PAK2: variants seen among roughly 807,000 people sequenced by gnomAD.
PAK2 encodes serine/threonine-protein kinase PAK 2.
In PAK2, 21 loss-of-function variants were observed where a neutral mutation model predicts 65.9. The observed-to-expected ratio is 0.32, with a 90% CI of 0.23 to 0.46. The LOEUF (loss-of-function observed/expected upper bound fraction) is 0.46, where lower values mean the gene tolerates loss of function less well. Among genes scored for constraint, PAK2 ranks in the 20% least tolerant of loss-of-function variants. The pLI is 1.00. For synonymous variants in PAK2, 204 were observed against 219.7 expected, an observed-to-expected ratio of 0.93 and a Z score of 0.63; for missense variants, 324 against 642.6, an observed-to-expected ratio of 0.50 and a Z score of 5.36.
Position 196,787,407 on chromosome 3 carries a change from C to G in PAK2, c.187+4574C>G, listed in dbSNP as rs1337116335. 4.0e-5 allele frequency among the ~76,000 whole-genome samples: 6 copies of G among 151,774 alleles called. No homozygotes were observed. The East Asian group carries it at 9.8e-4, about 25-fold the overall frequency. On this transcript the variant is annotated intron_variant, in intron 2 of 14. Transcript: ENST00000327134. Reference sequence around the variant, plus strand: ...CATCCTGGCTAACAAGGTGAAACGCCATCTCTACTAAAAATACAAAAATTA... The same window carrying G: ...CATCCTGGCTAACAAGGTGAAACGCGATCTCTACTAAAAATACAAAAATTA...
At chr3:196,761,364 G>A (rs1156748125) in intron 1 of PAK2, among the ~76,000 whole-genome samples, 7 of 84,278 alleles carry the variant, frequency 8.3e-5, no homozygotes, top group Admixed American at 1.5e-4. Context: ...GACTCTTAAC[G>A]AGCATGCTGC....
At chr3:196,749,871 GA>G (rs1306648494) in intron 1 of PAK2, among the ~76,000 whole-genome samples, 2 of 151,974 alleles carry the variant, frequency 1.3e-5, no homozygotes, top group African/African-American at 4.8e-5. Context: ...GCCTGGGCTG[GA>G]ATGTAGTGGC....
chr3:196,831,753 A>G lies in PAK2; in HGVS notation c.*3348A>G, dbSNP rs1712097137. On this transcript the variant is annotated 3_prime_UTR_variant, in exon 15 of 15. Transcript: ENST00000327134. ...ATAGATGCTTAAAGAATTTGCATCC[A>G]TTTTTGAGTCTAAATCTTTTAAAAT... 1 of 152,214 alleles carries G rather than the reference A, an allele frequency of 6.6e-6. No homozygotes were observed. The highest frequency in any genetic ancestry group is 6.6e-5 in the Admixed American group (1 of 15,264). The allele number at this position is 152,214 out of a possible 1,614,324, so 9.4% of individuals were successfully genotyped here.
intron 3 of PAK2, among the ~76,000 whole-genome samples, chr3:196,802,553 T>G (rs1298375976): frequency 6.6e-6 from 1 of 151,416 alleles, no homozygotes; most frequent in Non-Finnish European, 1.5e-5. Context: ...TTAGAAAAAA[T>G]AGACCTAGGC....
chr3:196,820,000 CAAAATT>C (rs1399117953), intron 12 of PAK2, among the ~76,000 whole-genome samples: 1 of 152,110 alleles, frequency 6.6e-6, no homozygotes, highest in Non-Finnish European at 1.5e-5. Flanking sequence ...AAAAATTAAA[CAAAATT>C]AAAAGACAAA....
chr3:196,792,737 T>C (rs376535298), intron 2 of PAK2, among the ~76,000 whole-genome samples: 1 of 152,120 alleles, frequency 6.6e-6, no homozygotes, highest in African/African-American at 2.4e-5. Context: ...AAACACAGCA[T>C]GTTGACCACA....
intron 4 of PAK2, among the ~76,000 whole-genome samples, chr3:196,805,093 A>G (rs1715545346): frequency 6.6e-6 from 1 of 152,060 alleles, no homozygotes; most frequent in Non-Finnish European, 1.5e-5. Flanking sequence ...TATAATTTAC[A>G]TGCAATACAA....
intron 1 of PAK2, among the ~76,000 whole-genome samples, chr3:196,759,488 GGTTTTTTTT>G (rs1560092722): frequency 7.2e-5 from 8 of 111,148 alleles, no homozygotes; most frequent in African/African-American, 2.2e-4. Context: ...ACAGTTAAGT[GGTTTTTTTT>G]GTTTTTTTTT....
At chr3:196,822,890 C>T (rs1461209585) in intron 13 of PAK2, among the ~76,000 whole-genome samples, 1 of 151,928 alleles carries the variant, frequency 6.6e-6, no homozygotes, top group Non-Finnish European at 1.5e-5. Context: ...AGAGATGATT[C>T]TGGACCTCAG....
At chr3:196,826,164 G>T (rs749984800) in intron 13 of PAK2, among the ~76,000 whole-genome samples, 1 of 148,210 alleles carries the variant, frequency 6.7e-6, no homozygotes, top group Non-Finnish European at 1.5e-5. Context: ...ATTTGTTTTT[G>T]TTTGTTTGTT....
At chr3:196,819,668 A>G (rs1228052596) in intron 12 of PAK2, among the ~76,000 whole-genome samples, 1 of 152,186 alleles carries the variant, frequency 6.6e-6, no homozygotes, top group Non-Finnish European at 1.5e-5. Context: ...TAACAGTATA[A>G]GAAAGAATTC....
intron 1 of PAK2, among the ~76,000 whole-genome samples, chr3:196,744,471 G>A (rs1035058755): frequency 2.6e-5 from 4 of 152,142 alleles, no homozygotes; most frequent in African/African-American, 7.2e-5. Flanking sequence ...CTCAAGAGTT[G>A]GAGGTATAGT....
In PAK2 at chr3:196,810,636, T is replaced by C. The variant is rs780017879; in HGVS notation, c.756T>C (p.Tyr252=). The change falls in exon 8 of 15, where the codon TAT becomes TAC. Residue 252 remains tyrosine (Y), a synonymous_variant. Transcript: ENST00000327134. ...ACCCTAAGAAAAAATATACAAGATA[T>C]GAAAAAATTGGACAAGGGTAAGTAT... ...IGDPKKKYTR[Y]EKIGQGASGT... 2.0e-6 allele frequency: 3 copies of C among 1,519,404 alleles called. No individual in the cohort carries two copies. Among genetic ancestry groups the C allele is most frequent in the Admixed American group, 1.7e-5 (1 of 59,766 alleles). 94.1% of individuals were successfully genotyped at this position (1,519,404 alleles called of 1,614,324 possible).
At chr3:196,822,793 C>T (rs571498653) in intron 13 of PAK2, among the ~76,000 whole-genome samples, 1 of 152,212 alleles carries the variant, frequency 6.6e-6, no homozygotes, top group South Asian at 2.1e-4. Context: ...GAAGTAAGAG[C>T]GTGATACTTA....
intron 4 of PAK2, 72 bp from the exon 5 acceptor site, chr3:196,805,277 CTTT>C (rs368708603): frequency 3.2e-6 from 2 of 618,028 alleles, no homozygotes; most frequent in Admixed American, 3.3e-5. Flanking sequence ...ACTTTCTCTG[CTTT>C]TTTTTTTTCC....
Position 196,794,451 on chromosome 3 carries a change from T to A in PAK2, c.188-7476T>A, listed in dbSNP as rs186618168. ...ATGCTGTAAGAATCGGACTTCCGTA[T>A]CTGCAACACCCGTTCCCCCTGTCCG... On this transcript the variant is annotated intron_variant, in intron 2 of 14. Coordinates refer to ENST00000327134, the MANE Select transcript of PAK2 (RefSeq NM_002577.4). Among the ~76,000 whole-genome samples, 28 of 152,330 alleles carry A rather than the reference T, an allele frequency of 1.8e-4. No homozygotes were observed. The East Asian group carries it at 5.4e-3, about 29-fold the overall frequency.
chr3:196,755,175 A>G (rs935593977), intron 1 of PAK2, among the ~76,000 whole-genome samples: 9 of 152,108 alleles, frequency 5.9e-5, no homozygotes, highest in Non-Finnish European at 1.2e-4. Context: ...ACCTGTTCCA[A>G]TTTTTTGAAA....
chr3:196,759,498 G>GTTTTTTTTTTTTTTT lies in PAK2; in HGVS notation c.-22+19366_-22+19380dup, dbSNP rs71301221. 8.7e-4 allele frequency among the ~76,000 whole-genome samples: 94 copies of GTTTTTTTTTTTTTTT among 108,144 alleles called. 7 individuals are homozygous for GTTTTTTTTTTTTTTT. The highest frequency in any genetic ancestry group is 1.4e-3 in the East Asian group (5 of 3,680). The allele number at this position is 108,144 out of a possible 152,430, so 70.9% of individuals were successfully genotyped here. A position where few individuals can be genotyped will look rare whatever the true frequency, so the allele number is the denominator to read the frequency against. Reference sequence around the variant, plus strand: ...GGTATACAGTTAAGTGGTTTTTTTTGTTTTTTTTTTTTTTTTTTTTTTTTT... The same window carrying GTTTTTTTTTTTTTTT: ...GGTATACAGTTAAGTGGTTTTTTTTGTTTTTTTTTTTTTTTTTTTTTTTTTTTTTTTTTTTTTTTT... On this transcript the variant is annotated intron_variant, in intron 1 of 14. Coordinates refer to ENST00000327134, the MANE Select transcript of PAK2 (RefSeq NM_002577.4).
At chr3:196,808,076 C>G (rs959608905) in intron 7 of PAK2, 162 bp downstream of exon 7, 16 of 588,660 alleles carry the variant, frequency 2.7e-5, no homozygotes, top group Admixed American at 1.0e-4. Flanking sequence ...GGTGATGTCA[C>G]CAGGTTCACC....
Sources: gnomAD v4.1 joint callset for allele counts (sites outside exome capture counted in the v4.1 genomes callset) on GRCh38, gnomAD v4.1.1 for gene constraint, MANE v1.5 for transcripts, NCBI Gene and HGNC (gene_info 2026-07-23, HGNC 2026-07-21) for gene names.